ADCY8: variants seen among roughly 807,000 people sequenced by gnomAD.
The protein encoded by ADCY8 is adenylate cyclase type 8.
In ADCY8, 51 loss-of-function variants were observed where a neutral mutation model predicts 119.7. The ratio of observed to expected loss-of-function variants is 0.43; its 90% CI spans 0.34 to 0.54. The LOEUF (loss-of-function observed/expected upper bound fraction) is 0.54, where lower values mean the gene tolerates loss of function less well. Ranked by LOEUF, ADCY8 falls within the 20% of genes least tolerant of loss-of-function variation. The pLI, the probability that ADCY8 is intolerant of heterozygous loss-of-function variation, is 0.03. For synonymous variants in ADCY8, 665 were observed against 651.0 expected (o/e 1.02, Z -0.33); for missense variants, 1,383 against 1,598.8 (o/e 0.87, Z 2.30).
intron 8 of ADCY8, among the ~76,000 whole-genome samples, chr8:130,869,884 A>G (rs1818275476): frequency 6.6e-6 from 1 of 151,964 alleles, no homozygotes. Flanking sequence ...AAACAGCAGT[A>G]ATAATCATTT....
At chr8:130,957,384 A>G (rs1368345091) in intron 2 of ADCY8, among the ~76,000 whole-genome samples, 1 of 152,246 alleles carries the variant, frequency 6.6e-6, no homozygotes, top group Admixed American at 6.5e-5. Context: ...TAAGCAGAAA[A>G]GCATTCAAGA....
chr8:130,958,752 C>T (rs1821510856), intron 2 of ADCY8, among the ~76,000 whole-genome samples: 1 of 152,172 alleles, frequency 6.6e-6, no homozygotes, highest in South Asian at 2.1e-4. Context: ...AGGATTATTA[C>T]AATTCAAGGT....
At chr8:130,938,602 C>G (rs1820864223) in intron 4 of ADCY8, among the ~76,000 whole-genome samples, 1 of 152,158 alleles carries the variant, frequency 6.6e-6, no homozygotes, top group Non-Finnish European at 1.5e-5. Flanking sequence ...TAGTAGCAAG[C>G]TGTAAAGCAC....
intron 1 of ADCY8, among the ~76,000 whole-genome samples, chr8:131,019,827 C>G (rs867246505): frequency 0.025 from 3,022 of 121,032 alleles, 121 homozygotes; most frequent in African/African-American, 0.095. Context: ...CTCTCTCTCT[C>G]TCTCTCTCTC....
At chr8:131,038,768 C>G (rs1824248431) in intron 1 of ADCY8, among the ~76,000 whole-genome samples, 1 of 152,140 alleles carries the variant, frequency 6.6e-6, no homozygotes, top group Non-Finnish European at 1.5e-5. Flanking sequence ...GAGAAGATAT[C>G]ATGTTTGGTC....
At chr8:131,008,185 C>T (rs1823184366) in intron 1 of ADCY8, among the ~76,000 whole-genome samples, 2 of 152,254 alleles carry the variant, frequency 1.3e-5, no homozygotes, top group South Asian at 2.1e-4. Flanking sequence ...GAAGCAAAGA[C>T]AAGTTAAGTA....
rs73342469 is a variant in ADCY8 at position 130,832,563 on chromosome 8, A to G, written c.2675+3714T>C. 4.0e-3 allele frequency among the ~76,000 whole-genome samples: 616 copies of G among 152,282 alleles called. 6 individuals carry two copies. Among genetic ancestry groups the G allele is most frequent in the African/African-American group, 0.014 (595 of 41,568 alleles). The stretch of plus-strand genomic sequence containing the variant: ...TACAGCTGAGATGGAAGGCTGGCTG[A>G]GTTCCTTCATTTCTTATTGATTTCA... On this transcript the variant is annotated intron_variant, in intron 12 of 17. Coordinates refer to ENST00000286355, the MANE Select transcript of ADCY8 (RefSeq NM_001115.3).
intron 1 of ADCY8, among the ~76,000 whole-genome samples, chr8:130,999,647 G>T (rs904628414): frequency 1.3e-5 from 2 of 152,158 alleles, no homozygotes; most frequent in Non-Finnish European, 2.9e-5. Context: ...CATCCCCACA[G>T]TCTGCAGCCC....
intron 1 of ADCY8, among the ~76,000 whole-genome samples, chr8:130,997,435 A>G (rs1476246076): frequency 6.6e-6 from 1 of 152,180 alleles, no homozygotes; most frequent in Non-Finnish European, 1.5e-5. Context: ...TGACCCTAGC[A>G]TTTGGGGCTT....
intron 12 of ADCY8, among the ~76,000 whole-genome samples, chr8:130,827,927 C>T (rs756801583): frequency 1.2e-4 from 18 of 152,270 alleles, no homozygotes; most frequent in South Asian, 2.1e-4. Context: ...GACTCAGATA[C>T]GATCATTACT....
intron 5 of ADCY8, among the ~76,000 whole-genome samples, chr8:130,936,661 A>C: frequency 6.6e-6 from 1 of 152,042 alleles, no homozygotes; most frequent in East Asian, 1.9e-4. Flanking sequence ...CGTTGAATTA[A>C]CTTCCTCCTC....
chr8:130,889,331 A>G (rs532827917), intron 7 of ADCY8, among the ~76,000 whole-genome samples: 19 of 152,254 alleles, frequency 1.2e-4, no homozygotes, highest in Middle Eastern at 3.4e-3. Flanking sequence ...ACCACAATAA[A>G]TGTGTTTACT....
chr8:130,906,203 C>A (rs1280841750), intron 6 of ADCY8, among the ~76,000 whole-genome samples: 1 of 152,146 alleles, frequency 6.6e-6, no homozygotes, highest in Non-Finnish European at 1.5e-5. Context: ...TAATATTGAC[C>A]TGGGAGAATA....
At position 130,909,738 on chromosome 8, in the gene ADCY8, G is replaced by A; in HGVS notation, c.1610C>T (p.Ala537Val). 6.2e-7 allele frequency: 1 copy of A among 1,614,106 alleles called. No individual in the cohort carries two copies. Among genetic ancestry groups the A allele is most frequent in the Non-Finnish European group, 8.5e-7 (1 of 1,179,998 alleles). The change falls in exon 6 of 18, where the codon GCA becomes GTA. Residue 537 changes from alanine to valine, a missense_variant. This residue lies in a region of ADCY8 where 928 missense variants were observed against 1,163.5 expected (regional missense o/e 0.80). Coordinates refer to ENST00000286355, the MANE Select transcript of ADCY8 (RefSeq NM_001115.3). Reference sequence around the variant, plus strand: ...GATTCCTCCAGATTCGAGTTTGTTTGCAATATCCACATCCCAAGACCAGAC... The same window carrying A: ...GATTCCTCCAGATTCGAGTTTGTTTACAATATCCACATCCCAAGACCAGAC... ...FDVWSWDVDI[A>V]NKLESGGIPG... is the part of the protein sequence containing the mutation.
chr8:130,859,071 C>G (rs967551898), intron 9 of ADCY8, among the ~76,000 whole-genome samples: 1 of 152,064 alleles, frequency 6.6e-6, no homozygotes, highest in Admixed American at 6.6e-5. Context: ...TATTGGATAT[C>G]GGCATTAGAA....
intron 15 of ADCY8, among the ~76,000 whole-genome samples, chr8:130,793,663 A>C (rs749258633): frequency 2.0e-5 from 3 of 152,194 alleles, no homozygotes; most frequent in African/African-American, 4.8e-5. Context: ...CACTCTTGTC[A>C]ATGAAGCAAG....
intron 11 of ADCY8, among the ~76,000 whole-genome samples, chr8:130,837,288 C>A (rs1586465651): frequency 1.3e-5 from 2 of 152,186 alleles, no homozygotes; most frequent in Admixed American, 6.5e-5. Context: ...TAGTAAAGCT[C>A]ACAAGGCCAT....
intron 14 of ADCY8, among the ~76,000 whole-genome samples, chr8:130,812,950 CTTTT>C (rs111620889): frequency 1.4e-5 from 2 of 140,232 alleles, no homozygotes; most frequent in African/African-American, 2.6e-5. Flanking sequence ...CCATCTTGAT[CTTTT>C]TTTTTTTTTT....
chr8:131,030,954 C>T (rs1336626974), intron 1 of ADCY8, among the ~76,000 whole-genome samples: 1 of 152,190 alleles, frequency 6.6e-6, no homozygotes, highest in Non-Finnish European at 1.5e-5. Flanking sequence ...GCCTCTTGCC[C>T]TTTGTCTTCT....
Sources: gnomAD v4.1 joint callset for allele counts (sites outside exome capture counted in the v4.1 genomes callset) on GRCh38, gnomAD v4.1.1 for gene constraint, gnomAD v4.1.1 regional missense constraint, MANE v1.5 for transcripts, NCBI Gene and HGNC (gene_info 2026-07-23, HGNC 2026-07-21) for gene names.